Variants in CFAP95 observed in about 807,000 individuals in gnomAD.
CFAP95 encodes the protein cilia and flagella associated protein 95.
the CFAP95 span, among the ~76,000 whole-genome samples, chr9:69,849,837 GTTTGCCCTGATTGT>G: frequency 8.5e-5 from 13 of 152,208 alleles, no homozygotes; most frequent in African/African-American, 3.1e-4. Context: ...AAGCCACTGG[GTTTGCCCTGATTGT>G]CTTATTCTAA....
chr9:69,855,618 G>A, the CFAP95 span, among the ~76,000 whole-genome samples: 6 of 152,132 alleles, frequency 3.9e-5, no homozygotes, highest in African/African-American at 1.4e-4. Context: ...GGAGAGCAGT[G>A]CTCTGAGAAG....
At chr9:69,856,985 T>C in the CFAP95 span, among the ~76,000 whole-genome samples, 1 of 147,650 alleles carries the variant, frequency 6.8e-6, no homozygotes, top group Non-Finnish European at 1.5e-5. Flanking sequence ...AGCTCTACAA[T>C]TTACTGTAAA....
the CFAP95 span, among the ~76,000 whole-genome samples, chr9:69,879,961 A>G: frequency 1.3e-5 from 2 of 151,794 alleles, no homozygotes; most frequent in South Asian, 2.1e-4. Flanking sequence ...ATACTTTTAT[A>G]TATTTTTGTT....
chr9:69,821,780 A>G, the CFAP95 span, among the ~76,000 whole-genome samples: 1 of 152,056 alleles, frequency 6.6e-6, no homozygotes. Context: ...GCCACATTTA[A>G]AACTAGGAGA....
chr9:69,856,495 A>G, the CFAP95 span: 1 of 934,188 alleles, frequency 1.1e-6, no homozygotes. Context: ...AACATGTTTT[A>G]GTAACTGACC....
At chr9:69,886,208 A>T in the CFAP95 span, among the ~76,000 whole-genome samples, 160 of 152,204 alleles carry the variant, frequency 1.1e-3, no homozygotes, top group African/African-American at 3.6e-3. Context: ...AACCCTTATT[A>T]TACTTGATGA....
chr9:69,906,137 A>C, the CFAP95 span: 3 of 1,594,600 alleles, frequency 1.9e-6, no homozygotes, highest in Non-Finnish European at 2.6e-6. Flanking sequence ...GCCAATTTAA[A>C]AATAATGTAT....
At chr9:69,853,138 A>G in the CFAP95 span, among the ~76,000 whole-genome samples, 2 of 152,298 alleles carry the variant, frequency 1.3e-5, no homozygotes, top group Admixed American at 6.5e-5. Flanking sequence ...TCAATTGGGG[A>G]TTATCTAAAA....
At chr9:69,878,461 A>G in the CFAP95 span, among the ~76,000 whole-genome samples, 8 of 152,286 alleles carry the variant, frequency 5.3e-5, no homozygotes, top group East Asian at 1.5e-3. Flanking sequence ...CTGTTTCAGC[A>G]TGGGCTCTGA....
chr9:69,824,184 G>C, the CFAP95 span, among the ~76,000 whole-genome samples: 1 of 152,142 alleles, frequency 6.6e-6, no homozygotes, highest in Non-Finnish European at 1.5e-5. Flanking sequence ...TGGGGAGGTT[G>C]GTTCCTGAGC....
the CFAP95 span, chr9:69,857,993 AC>A: frequency 1.9e-6 from 3 of 1,606,718 alleles, no homozygotes; most frequent in Non-Finnish European, 2.6e-6. Context: ...TAGTCCCTAA[AC>A]TGCTACAACT....
chr9:69,875,586 C>T, the CFAP95 span, among the ~76,000 whole-genome samples: 4 of 152,128 alleles, frequency 2.6e-5, no homozygotes, highest in African/African-American at 7.2e-5. Context: ...ACCTGCAGGA[C>T]AGTTCTACCC....
chr9:69,848,289 A>C, the CFAP95 span, among the ~76,000 whole-genome samples: 7 of 152,200 alleles, frequency 4.6e-5, no homozygotes, highest in African/African-American at 1.4e-4. Context: ...ACATGGAATC[A>C]TTTCAGAGCC....
At chr9:69,866,680 C>A in the CFAP95 span, among the ~76,000 whole-genome samples, 1 of 152,206 alleles carries the variant, frequency 6.6e-6, no homozygotes, top group Non-Finnish European at 1.5e-5. Context: ...CAGACAGAAT[C>A]TGGGCTATCT....
At chr9:69,901,525 CT>C in the CFAP95 span, among the ~76,000 whole-genome samples, 1 of 151,744 alleles carries the variant, frequency 6.6e-6, no homozygotes, top group Non-Finnish European at 1.5e-5. Context: ...TGAACTCATC[CT>C]TTTTATGGCT....
the CFAP95 span, among the ~76,000 whole-genome samples, chr9:69,823,757 G>T: frequency 1.3e-5 from 2 of 152,190 alleles, no homozygotes; most frequent in Non-Finnish European, 2.9e-5. Flanking sequence ...CGTTTTATAG[G>T]ATTTGGATAG....
At chr9:69,841,098 A>AT in the CFAP95 span, among the ~76,000 whole-genome samples, 1 of 147,766 alleles carries the variant, frequency 6.8e-6, no homozygotes, top group Non-Finnish European at 1.5e-5. Context: ...CCCTTCTTCC[A>AT]TTAAAAAAAA....
At chr9:69,888,524 T>C in the CFAP95 span, among the ~76,000 whole-genome samples, 1 of 152,102 alleles carries the variant, frequency 6.6e-6, no homozygotes, top group Non-Finnish European at 1.5e-5. Flanking sequence ...TACTAAACAA[T>C]ATGAATTAAG....
the CFAP95 span, chr9:69,906,022 T>C: frequency 6.2e-7 from 1 of 1,613,266 alleles, no homozygotes; most frequent in Admixed American, 1.7e-5. Flanking sequence ...CGGATCTAAA[T>C]GGTTCTAAAA....
Sources: gnomAD v4.1 joint callset for allele counts (sites outside exome capture counted in the v4.1 genomes callset) on GRCh38, gnomAD v4.1.1 for gene constraint, MANE v1.5 for transcripts, NCBI Gene and HGNC (gene_info 2026-07-23, HGNC 2026-07-21) for gene names.